Variants in RBFOX1 observed in about 807,000 individuals in gnomAD.
RBFOX1 encodes RNA binding fox-1 homolog 1.
Under a neutral mutation model 57.7 loss-of-function variants are expected in RBFOX1, and 8 were observed. The observed-to-expected ratio is 0.14, with a 90% CI of 0.08 to 0.25. RBFOX1 has a LOEUF of 0.25. Among genes scored for constraint, RBFOX1 ranks in the 10% least tolerant of loss-of-function variants. The probability of loss-of-function intolerance (pLI) is 1.00; values close to 1 mark genes in which losing one functional copy is unlikely to be tolerated. For synonymous variants in RBFOX1, 326 were observed against 222.4 expected (o/e 1.47, Z -4.15); for missense variants, 611 against 548.5 (o/e 1.11, Z -1.14).
intron 1 of RBFOX1, among the ~76,000 whole-genome samples, chr16:5,318,959 C>G (rs1333946788): frequency 6.6e-6 from 1 of 152,078 alleles, no homozygotes; most frequent in East Asian, 1.9e-4. Flanking sequence ...AACCCCATCT[C>G]TACTAAAAAT....
At chr16:6,431,896 G>GCTTTCTTTCTTTCTTTCTTTCTTT (rs869041704) in intron 2 of RBFOX1, among the ~76,000 whole-genome samples, 2 of 128,196 alleles carry the variant, frequency 1.6e-5, no homozygotes, top group East Asian at 2.3e-4. Context: ...TTGCTTGCTT[G>GCTTTCTTTCTTTCTTTCTTTCTTT]CTTTCTTTCT....
chr16:6,722,782 A>T (rs1434184955), intron 3 of RBFOX1, among the ~76,000 whole-genome samples: 1 of 152,170 alleles, frequency 6.6e-6, no homozygotes, highest in Non-Finnish European at 1.5e-5. Context: ...GCATATCTTC[A>T]TTTTTACATT....
intron 3 of RBFOX1, among the ~76,000 whole-genome samples, chr16:5,619,666 A>C (rs1327563509): frequency 6.6e-6 from 1 of 152,176 alleles, no homozygotes; most frequent in Admixed American, 6.5e-5. Context: ...GGGGGCCTGC[A>C]TCTCTGCCCA....
rs1471612640 is a variant in RBFOX1 at position 6,742,741 on chromosome 16, G to GT, written c.-16+88093dup. Among the ~76,000 whole-genome samples the GT allele has an allele frequency of 5.9e-5, 9 of 152,182 alleles. No individual in the cohort carries two copies. The East Asian group carries it at 1.7e-3, about 29-fold the overall frequency. ...ATGAAAATTAAAACAGTCTCAAAAGGTTATAGACTATACAATGTCATTTAT... is the reference window on the plus strand; with the variant it reads ...ATGAAAATTAAAACAGTCTCAAAAGGTTTATAGACTATACAATGTCATTTAT... On this transcript the variant is annotated intron_variant, in intron 3 of 15. Transcript: ENST00000550418.
chr16:6,380,112 G>A (rs1461248890), intron 2 of RBFOX1, among the ~76,000 whole-genome samples: 1 of 152,146 alleles, frequency 6.6e-6, no homozygotes, highest in East Asian at 1.9e-4. Flanking sequence ...GAGGTAGGAG[G>A]CATCTGAGAG....
intron 9 of RBFOX1, among the ~76,000 whole-genome samples, chr16:7,605,161 T>G (rs1434589341): frequency 2.0e-5 from 3 of 152,100 alleles, no homozygotes; most frequent in African/African-American, 7.2e-5. Context: ...GGAATTAGAC[T>G]TTTTTTTAAA....
chr16:6,219,168 T>A (rs1257396464), intron 1 of RBFOX1, among the ~76,000 whole-genome samples: 1 of 152,152 alleles, frequency 6.6e-6, no homozygotes, highest in Admixed American at 6.5e-5. Context: ...CCCTTGCTAC[T>A]TTTTCTTTAG....
intron 2 of RBFOX1, among the ~76,000 whole-genome samples, chr16:6,610,392 A>T (rs957576321): frequency 2.0e-5 from 3 of 152,076 alleles, no homozygotes; most frequent in African/African-American, 7.2e-5. Flanking sequence ...CAGTGGTGCA[A>T]TCATGGCTCA....
In RBFOX1 at chr16:5,856,604, T is replaced by TATATATATATATATATATATATATATAA. The variant is rs776623035; in HGVS notation, c.319-10698_319-10697insTATATATATATATATATATATATATAAA. Among the ~76,000 whole-genome samples the TATATATATATATATATATATATATATAA allele has an allele frequency of 1.0e-3, 69 of 68,046 alleles. 7 individuals carry two copies. Among genetic ancestry groups the TATATATATATATATATATATATATATAA allele is most frequent in the Admixed American group, 1.8e-3 (10 of 5,436 alleles). 44.6% of individuals were successfully genotyped at this position (68,046 alleles called of 152,430 possible). Reference sequence around the variant, plus strand: ...ATATATATATATATATATATATATATAATCTTAGCCAGATCTTCTGGATAA... The same window carrying TATATATATATATATATATATATATATAA: ...ATATATATATATATATATATATATATATATATATATATATATATATATATATAAAATCTTAGCCAGATCTTCTGGATAA... On this transcript the variant is annotated intron_variant, in intron 3 of 19. Coordinates refer to the RBFOX1 transcript ENST00000641259.
At chr16:6,430,209 C>G (rs1215985227) in intron 2 of RBFOX1, among the ~76,000 whole-genome samples, 1 of 152,016 alleles carries the variant, frequency 6.6e-6, no homozygotes, top group Non-Finnish European at 1.5e-5. Flanking sequence ...TGAGAACAGA[C>G]TAATACACCT....
At chr16:5,768,262 C>T (rs540687751) in intron 3 of RBFOX1, among the ~76,000 whole-genome samples, 5 of 152,224 alleles carry the variant, frequency 3.3e-5, no homozygotes, top group Admixed American at 2.6e-4. Flanking sequence ...GTAGAGGCAC[C>T]GTTGATTTAA....
intron 3 of RBFOX1, among the ~76,000 whole-genome samples, chr16:7,020,468 C>T (rs1488867352): frequency 6.6e-6 from 1 of 152,132 alleles, no homozygotes; most frequent in Non-Finnish European, 1.5e-5. Context: ...ATCCACCTGC[C>T]TCAACCTCCC....
chr16:5,694,127 A>T (rs1482468834), intron 3 of RBFOX1, among the ~76,000 whole-genome samples: 6 of 152,172 alleles, frequency 3.9e-5, no homozygotes. Context: ...CCCTAATAGG[A>T]TGGGAATGAA....
intron 2 of RBFOX1, among the ~76,000 whole-genome samples, chr16:6,330,432 G>C (rs1475040003): frequency 6.6e-6 from 1 of 152,160 alleles, no homozygotes; most frequent in African/African-American, 2.4e-5. Flanking sequence ...AAACCCTCTA[G>C]TCCCCACTAT....
intron 2 of RBFOX1, among the ~76,000 whole-genome samples, chr16:6,451,225 T>G (rs974075241): frequency 1.3e-5 from 2 of 152,114 alleles, no homozygotes; most frequent in Non-Finnish European, 2.9e-5. Flanking sequence ...AATAGCATGT[T>G]CTGAGGTAGC....
chr16:6,787,040 A>G (rs566218615), intron 3 of RBFOX1, among the ~76,000 whole-genome samples: 4 of 152,158 alleles, frequency 2.6e-5, no homozygotes, highest in African/African-American at 9.7e-5. Flanking sequence ...TCAGAAATAC[A>G]TTAGTTGATT....
intron 3 of RBFOX1, among the ~76,000 whole-genome samples, chr16:7,015,720 T>C (rs1317251385): frequency 6.6e-6 from 1 of 152,202 alleles, no homozygotes; most frequent in African/African-American, 2.4e-5. Context: ...TTCTATTATG[T>C]TCCATTCCAT....
chr16:7,217,030 TC>T (rs1567748609), intron 4 of RBFOX1, among the ~76,000 whole-genome samples: 4,796 of 47,186 alleles, frequency 0.1, 280 homozygotes, highest in Middle Eastern at 0.18. Flanking sequence ...CCTCCCTCCC[TC>T]CCTCCCTCCC....
chr16:6,228,391 A>G (rs1381118957), intron 1 of RBFOX1, among the ~76,000 whole-genome samples: 11 of 147,406 alleles, frequency 7.5e-5, no homozygotes, highest in Non-Finnish European at 1.5e-5. Context: ...GTCCCTGAAC[A>G]GATGAAAAGG....
Sources: allele counts gnomAD v4.1 joint callset (sites outside exome capture counted in the v4.1 genomes callset), GRCh38; gene constraint gnomAD v4.1.1; transcripts MANE v1.5; gene names NCBI Gene and HGNC (gene_info 2026-07-23, HGNC 2026-07-21).